KIF16B: variants seen among roughly 807,000 people sequenced by gnomAD.
The protein encoded by KIF16B is kinesin family member 16B.
KIF16B carries 98 observed loss-of-function variants against 156.3 expected under a neutral mutation model. The ratio of observed to expected loss-of-function variants is 0.63; its 90% confidence interval spans 0.53 to 0.74. The LOEUF is 0.74. Among genes scored for constraint, KIF16B ranks in the 30% least tolerant of loss-of-function variants. The pLI is 0.00. For synonymous variants in KIF16B, 564 were observed against 583.7 expected (o/e 0.97, Z 0.49); for missense variants, 1,421 against 1,606.5 (o/e 0.88, Z 1.97).
chr20:16,427,005 CAAT>C, intron 15 of KIF16B, 96 bp downstream of exon 15: 1 of 1,067,688 alleles, frequency 9.4e-7, no homozygotes, highest in Non-Finnish European at 1.3e-6. Context: ...TATACCTAAT[CAAT>C]AATTAATTCT....
chr20:16,281,241 A>T (rs2063142143), intron 25 of KIF16B, among the ~76,000 whole-genome samples: 1 of 152,176 alleles, frequency 6.6e-6, no homozygotes, highest in African/African-American at 2.4e-5. Context: ...TTCCATAGTG[A>T]CATATTAACA....
chr20:16,328,614 G>A (rs1038227653), intron 24 of KIF16B, among the ~76,000 whole-genome samples: 9 of 152,102 alleles, frequency 5.9e-5, no homozygotes, highest in African/African-American at 1.9e-4. Context: ...TGAGATTTAC[G>A]TCCTTGAAAA....
intron 4 of KIF16B, among the ~76,000 whole-genome samples, chr20:16,514,582 GAAAAAA>G (rs540602451): frequency 0.024 from 1,818 of 76,936 alleles, 23 homozygotes; most frequent in Middle Eastern, 0.11. Context: ...TAAGAAATAA[GAAAAAA>G]AAAAAAAAAA....
At chr20:16,375,365 A>T (rs1284309148) in intron 19 of KIF16B, among the ~76,000 whole-genome samples, 2 of 152,204 alleles carry the variant, frequency 1.3e-5, no homozygotes, top group African/African-American at 4.8e-5. Flanking sequence ...ATGCCAACAC[A>T]CCATGATGCT....
intron 23 of KIF16B, among the ~76,000 whole-genome samples, chr20:16,337,371 T>C (rs1287073124): frequency 6.6e-6 from 1 of 152,190 alleles, no homozygotes; most frequent in Non-Finnish European, 1.5e-5. Context: ...GTCCCAGCCA[T>C]TCTTTCATTC....
chr20:16,320,704 T>C (rs971093939), intron 24 of KIF16B, among the ~76,000 whole-genome samples: 1 of 152,174 alleles, frequency 6.6e-6, no homozygotes, highest in African/African-American at 2.4e-5. Flanking sequence ...TTCAAAAACA[T>C]ACTGAATGAC....
At chr20:16,348,256 A>G (rs1034888475) in intron 23 of KIF16B, among the ~76,000 whole-genome samples, 4 of 152,252 alleles carry the variant, frequency 2.6e-5, no homozygotes, top group African/African-American at 9.6e-5. Flanking sequence ...AAATGTGTAG[A>G]AAGTAGTGAT....
At chr20:16,558,757 A>G (rs2070946053) in intron 1 of KIF16B, among the ~76,000 whole-genome samples, 1 of 152,096 alleles carries the variant, frequency 6.6e-6, no homozygotes, top group Admixed American at 6.5e-5. Context: ...TACAAAATTT[A>G]GCTGGGTGCG....
At chr20:16,514,437 C>T (rs943823773) in intron 4 of KIF16B, among the ~76,000 whole-genome samples, 1 of 152,062 alleles carries the variant, frequency 6.6e-6, no homozygotes, top group African/African-American at 2.4e-5. Context: ...TAACACACGA[C>T]TTCCATGAAC....
intron 15 of KIF16B, among the ~76,000 whole-genome samples, chr20:16,417,683 G>A (rs543885344): frequency 6.6e-6 from 1 of 151,968 alleles, no homozygotes; most frequent in East Asian, 1.9e-4. Context: ...ACAAAGATAA[G>A]ATATAAAGAA....
intron 12 of KIF16B, among the ~76,000 whole-genome samples, chr20:16,484,903 T>C (rs114291076): frequency 7.9e-4 from 120 of 152,042 alleles, no homozygotes; most frequent in African/African-American, 2.6e-3. Context: ...GCAAGTAAAA[T>C]AGAGAAAAAA....
intron 12 of KIF16B, among the ~76,000 whole-genome samples, chr20:16,446,151 T>C (rs755545889): frequency 1.2e-4 from 19 of 152,118 alleles, no homozygotes; most frequent in Non-Finnish European, 2.4e-4. Context: ...AAAAACAAAA[T>C]TTACCCTTGT....
chr20:16,467,682 G>T (rs1019130187), intron 12 of KIF16B, among the ~76,000 whole-genome samples: 3 of 150,940 alleles, frequency 2.0e-5, no homozygotes, highest in African/African-American at 7.3e-5. Context: ...CAATCAAGAA[G>T]AGCATAGAGT....
rs73095043 is a variant in KIF16B at position 16,405,417 on chromosome 20, G to A, written c.1696-516C>T. The stretch of plus-strand genomic sequence containing the variant: ...TGTGTACCAAAAACGACCCTCTAGG[G>A]AGACCCTGGGCTAGAGCAGATAAGA... On this transcript the variant is annotated intron_variant, in intron 16 of 25. Transcript: ENST00000354981. 1.7e-3 allele frequency among the ~76,000 whole-genome samples: 252 copies of A among 152,216 alleles called. 2 individuals carry two copies. The highest frequency in any genetic ancestry group is 7.0e-3 in the Admixed American group (107 of 15,284).
chr20:16,551,700 G>T (rs1219040636), intron 1 of KIF16B, among the ~76,000 whole-genome samples: 1 of 152,194 alleles, frequency 6.6e-6, no homozygotes, highest in Non-Finnish European at 1.5e-5. Context: ...TTGTCCTTAA[G>T]CCAGAAGGGC....
chr20:16,467,376 G>T (rs905927331), intron 12 of KIF16B, among the ~76,000 whole-genome samples: 9 of 152,096 alleles, frequency 5.9e-5, no homozygotes, highest in African/African-American at 2.2e-4. Context: ...GACCACCTTT[G>T]CCCAAACACT....
At chr20:16,560,507 C>T (rs2071017271) in intron 1 of KIF16B, among the ~76,000 whole-genome samples, 1 of 152,228 alleles carries the variant, frequency 6.6e-6, no homozygotes, top group Non-Finnish European at 1.5e-5. Context: ...ATCCTACACT[C>T]TTAAAAGTTT....
At chr20:16,353,395 C>G (rs1047458856) in intron 23 of KIF16B, among the ~76,000 whole-genome samples, 1 of 152,206 alleles carries the variant, frequency 6.6e-6, no homozygotes, top group Non-Finnish European at 1.5e-5. Flanking sequence ...ATCCAAAACT[C>G]TCATAAAAAC....
chr20:16,550,574 C>T (rs116860429), intron 1 of KIF16B, among the ~76,000 whole-genome samples: 5,527 of 146,152 alleles, frequency 0.038, 108 homozygotes, highest in Middle Eastern at 0.092. Flanking sequence ...ACTCAGTCAC[C>T]CAGGCTGGAG....
Sources: allele counts gnomAD v4.1 joint callset (sites outside exome capture counted in the v4.1 genomes callset), GRCh38; gene constraint gnomAD v4.1.1; transcripts MANE v1.5; gene names NCBI Gene and HGNC (gene_info 2026-07-23, HGNC 2026-07-21).